Variants in FCRL5 observed in about 807,000 individuals in gnomAD.
FCRL5 encodes the protein Fc receptor like 5.
A neutral mutation model predicts 92.1 loss-of-function variants in FCRL5; 79 were observed. The observed-to-expected ratio is 0.86, with a 90% CI of 0.72 to 1.03. The LOEUF (loss-of-function observed/expected upper bound fraction) is 1.03, where lower values mean the gene tolerates loss of function less well. Ranked by LOEUF, FCRL5 falls within the 50% of genes least tolerant of loss-of-function variation. The probability of loss-of-function intolerance (pLI) is 0.00; values close to 1 mark genes in which losing one functional copy is unlikely to be tolerated. For missense variants in FCRL5, 1,160 were observed against 1,181.1 expected, an observed-to-expected ratio of 0.98 and a Z score of 0.26; for synonymous variants, 466 against 469.3, an observed-to-expected ratio of 0.99 and a Z score of 0.09.
intron 4 of FCRL5, 103 bp from the exon 5 acceptor site, chr1:157,544,649 G>A (rs768970010): frequency 5.1e-5 from 74 of 1,451,870 alleles, no homozygotes; most frequent in Non-Finnish European, 6.5e-5. Context: ...GCAAAGAAAG[G>A]AATGCCATTG....
intron 2 of FCRL5, 86 bp downstream of exon 2, chr1:157,549,474 A>C: frequency 8.2e-7 from 1 of 1,214,716 alleles, no homozygotes; most frequent in Non-Finnish European, 1.2e-6. Context: ...TGGAGATCTC[A>C]GGCAGCCATC....
chr1:157,540,747 T>C (rs1651223247), intron 6 of FCRL5, among the ~76,000 whole-genome samples: 1 of 152,224 alleles, frequency 6.6e-6, no homozygotes, highest in South Asian at 2.1e-4. Flanking sequence ...TGTTTCTGAA[T>C]ATAATTATGA....
At chr1:157,540,775 A>G (rs1651224718) in intron 6 of FCRL5, among the ~76,000 whole-genome samples, 1 of 152,236 alleles carries the variant, frequency 6.6e-6, no homozygotes, top group Non-Finnish European at 1.5e-5. Context: ...GATAAAAATA[A>G]TAAAATAGAT....
chr1:157,542,832 G>T, intron 6 of FCRL5, 27 bp downstream of exon 6: 1 of 1,597,324 alleles, frequency 6.3e-7, no homozygotes, highest in Non-Finnish European at 8.5e-7. Context: ...GCCAGGGGTG[G>T]GTGATTGGCA....
At chr1:157,536,161 C>G (rs1650962816) in intron 7 of FCRL5, among the ~76,000 whole-genome samples, 1 of 152,032 alleles carries the variant, frequency 6.6e-6, no homozygotes, top group Non-Finnish European at 1.5e-5. Context: ...AGGCTGGTCT[C>G]AAACTCCTGA....
intron 12 of FCRL5, 108 bp from the exon 13 acceptor site, chr1:157,519,878 G>A: frequency 1.7e-6 from 2 of 1,148,428 alleles, no homozygotes; most frequent in East Asian, 4.7e-5. Context: ...TGTCACTGAA[G>A]GTTGAATCCT....
chr1:157,516,281 T>C (rs1649930214), intron 15 of FCRL5, among the ~76,000 whole-genome samples: 1 of 152,210 alleles, frequency 6.6e-6, no homozygotes, highest in Non-Finnish European at 1.5e-5. Flanking sequence ...GTCACCTCCG[T>C]GGTTGGGGGA....
intron 2 of FCRL5, among the ~76,000 whole-genome samples, chr1:157,547,555 A>G (rs1281509540): frequency 6.6e-6 from 1 of 152,242 alleles, no homozygotes; most frequent in African/African-American, 2.4e-5. Flanking sequence ...GTTATGTTAA[A>G]ATCACAATTT....
chr1:157,516,518 A>G (rs1649941026), intron 15 of FCRL5, among the ~76,000 whole-genome samples: 1 of 152,124 alleles, frequency 6.6e-6, no homozygotes, highest in African/African-American at 2.4e-5. Context: ...CTCTCTCTCT[A>G]TTATCATATG....
intron 8 of FCRL5, among the ~76,000 whole-genome samples, chr1:157,530,419 T>C (rs928499446): frequency 1.3e-5 from 2 of 152,240 alleles, no homozygotes; most frequent in Non-Finnish European, 2.9e-5. Flanking sequence ...CAGGCTGGAG[T>C]GCAATGGCGC....
intron 15 of FCRL5, among the ~76,000 whole-genome samples, chr1:157,516,336 G>A (rs1218592706): frequency 6.6e-6 from 1 of 152,098 alleles, no homozygotes; most frequent in Non-Finnish European, 1.5e-5. Flanking sequence ...CTATATGATG[G>A]GAATAAAAAT....
Position 157,521,467 on chromosome 1 carries a change from C to A in FCRL5, c.2240-175G>T, listed in dbSNP as rs1252128207. The A allele has an allele frequency of 7.2e-6, 5 of 695,102 alleles. No homozygotes were observed. The African/African-American group carries it at 9.0e-5, about 13-fold the overall frequency. The allele number at this position is 695,102 out of a possible 1,614,324, so 43.1% of individuals were successfully genotyped here. On this transcript the variant is annotated intron_variant, in intron 10 of 16. Transcript: ENST00000361835. ...AATAGTTTTCAGTGTACAAAAATAT[C>A]CAATAGAAAACTGTAAAAAGTGTAT...
In FCRL5 at chr1:157,539,201, T is replaced by C. The variant is rs1651125193; in HGVS notation, c.1287A>G (p.Ala429=). Residue 429 remains alanine (A), a synonymous_variant, in exon 7 of 17, where the codon GCA becomes GCG. Transcript: ENST00000361835. ...AALERRSANS[A]GGVAISFSLT... is the part of the protein sequence containing the mutation. ...GAGAGAAGCTGATGGCCACTCCTCC[T>C]GCAGAGTTGGCCGACCTACGCTCCA... 6.2e-7 allele frequency: 1 copy of C among 1,614,222 alleles called. No individual in the cohort carries two copies. The highest frequency in any genetic ancestry group is 8.5e-7 in the Non-Finnish European group (1 of 1,180,034).
intron 5 of FCRL5, among the ~76,000 whole-genome samples, chr1:157,543,860 A>G (rs562324774): frequency 6.6e-6 from 1 of 152,136 alleles, no homozygotes; most frequent in African/African-American, 2.4e-5. Flanking sequence ...TTTGTATCCT[A>G]CAGAAATTTT....
chr1:157,522,301 A>G (rs1435550514), intron 10 of FCRL5: 3 of 152,232 alleles, frequency 2.0e-5, no homozygotes, highest in East Asian at 3.8e-4. Context: ...AGAATAACAA[A>G]TTACTAAAAA....
At chr1:157,533,418 C>A (rs1650788245) in intron 8 of FCRL5, 1 of 152,170 alleles carries the variant, frequency 6.6e-6, no homozygotes, top group East Asian at 1.9e-4. Flanking sequence ...TCAAAGATAT[C>A]CAATCTATTC....
rs1041530819 is a variant in FCRL5, at chr1:157,544,750, C to A, written c.559+81G>T. Reference sequence around the variant, plus strand: ...GTGGTTTAGTGGTATTCCAGTCCACCCTTTTCCTCCTGTTCTATCTCTATG... The same window carrying A: ...GTGGTTTAGTGGTATTCCAGTCCACACTTTTCCTCCTGTTCTATCTCTATG... On this transcript the variant is annotated intron_variant, in intron 4 of 16. Transcript: ENST00000361835. 14 of 1,558,748 alleles carry A rather than the reference C, an allele frequency of 9.0e-6. No individual in the cohort carries two copies. The African/African-American group carries it at 1.5e-4, about 17-fold the overall frequency.
intron 8 of FCRL5, among the ~76,000 whole-genome samples, chr1:157,531,611 A>G (rs577694493): frequency 6.6e-6 from 1 of 152,330 alleles, no homozygotes; most frequent in Non-Finnish European, 1.5e-5. Flanking sequence ...AATGTGGAAT[A>G]TATGCACAAT....
rs961916422 is a variant in FCRL5, at chr1:157,521,327, C to G, written c.2240-35G>C. On this transcript the variant is annotated intron_variant, in intron 10 of 16. Coordinates refer to ENST00000361835, the MANE Select transcript of FCRL5 (RefSeq NM_031281.3). ...AACAAAAAGTCAACAGCAGTTTCTG[C>G]TTCTAACATATTTGTAAGAAACAAA... 4 of 1,559,210 alleles carry G rather than the reference C, an allele frequency of 2.6e-6. No individual in the cohort carries two copies. The African/African-American group carries it at 5.5e-5, about 21-fold the overall frequency.
Sources: allele counts gnomAD v4.1 joint callset (sites outside exome capture counted in the v4.1 genomes callset), GRCh38; gene constraint gnomAD v4.1.1; transcripts MANE v1.5; gene names NCBI Gene and HGNC (gene_info 2026-07-23, HGNC 2026-07-21).